The following ZNF606 variants were observed in gnomAD, a reference collection of about 807,000 sequenced individuals.
The protein encoded by ZNF606 is zinc finger protein 328.
A neutral mutation model predicts 74.9 loss-of-function variants in ZNF606; 37 were observed. The ratio of observed to expected loss-of-function variants is 0.49; its 90% confidence interval spans 0.38 to 0.65. ZNF606 has a LOEUF of 0.65. Ranked by LOEUF, ZNF606 falls within the 30% of genes least tolerant of loss-of-function variation. The pLI, the probability that ZNF606 is intolerant of heterozygous loss-of-function variation, is 0.00. For missense variants in ZNF606, 852 were observed against 952.9 expected (o/e 0.89, Z 1.39); for synonymous variants, 328 against 312.4 (o/e 1.05, Z -0.53).
chr19:57,998,330 A>C (rs975337143), intron 4 of ZNF606: 1 of 152,314 alleles, frequency 6.6e-6, no homozygotes, highest in Non-Finnish European at 1.5e-5. Flanking sequence ...TTTACAATGT[A>C]ATTACATTGT....
intron 6 of ZNF606, among the ~76,000 whole-genome samples, chr19:57,986,546 G>A (rs114075319): frequency 0.015 from 2,277 of 152,228 alleles, 58 homozygotes; most frequent in African/African-American, 0.052. Context: ...AATAAAGATA[G>A]CTACATAAGT....
At chr19:57,987,518 G>A (rs920928294) in intron 6 of ZNF606, among the ~76,000 whole-genome samples, 1 of 152,058 alleles carries the variant, frequency 6.6e-6, no homozygotes, top group African/African-American at 2.4e-5. Flanking sequence ...GTACCCACAA[G>A]ATCTAAGTAA....
chr19:57,983,297 G>A (rs10404737), intron 6 of ZNF606, among the ~76,000 whole-genome samples: 24,548 of 152,102 alleles, frequency 0.16, 2,038 homozygotes, highest in African/African-American at 0.21. Context: ...CTCTGAGGTC[G>A]GGCATGGTAG....
At chr19:57,991,889 A>T (rs1304251599) in intron 4 of ZNF606, among the ~76,000 whole-genome samples, 9 of 152,202 alleles carry the variant, frequency 5.9e-5, no homozygotes, top group Non-Finnish European at 1.3e-4. Context: ...GGAACCAGCT[A>T]GGCAGCTGTG....
chr19:58,002,180 G>GAACCCGGAGCTGTTTCC (rs1568587026), intron 1 of ZNF606: 1 of 456,776 alleles, frequency 2.2e-6, no homozygotes, highest in Non-Finnish European at 4.4e-6. Flanking sequence ...ATGTTTAAGG[G>GAACCCGGAGCTGTTTCC]AACCCGGAGC....
rs1340053467 is a variant in ZNF606 at position 57,980,217 on chromosome 19, G to C, written c.463C>G (p.Gln155Glu). 3 of 1,613,968 alleles carry C rather than the reference G, an allele frequency of 1.9e-6. No individual in the cohort carries two copies. The highest frequency in any genetic ancestry group is 2.2e-5 in the East Asian group (1 of 44,890). ...IPAQSIFEEE[Q>E]SHGMKLERYI... The stretch of plus-strand genomic sequence containing the variant: ...CTTTCCAACTTCATGCCATGGGATT[G>C]TTCTTCCTCAAAAATGCTCTGTGCT... Residue 155 changes from glutamine to glutamate, a missense_variant, in exon 7 of 7, where the codon CAA becomes GAA. By Grantham distance (29) the Gln-to-Glu change is conservative. This residue lies in a region of ZNF606 where 545 missense variants were observed against 542.5 expected (regional missense o/e 1.00). Coordinates refer to ENST00000551380, the MANE Select transcript of ZNF606 (RefSeq NM_001348022.3).
At chr19:57,980,858 G>A (rs1055267511) in intron 6 of ZNF606, among the ~76,000 whole-genome samples, 4 of 147,088 alleles carry the variant, frequency 2.7e-5, no homozygotes, top group African/African-American at 1.0e-4. Flanking sequence ...AAAAAAATGT[G>A]CAAGAAAGAG....
chr19:57,981,121 C>A (rs1348101782), intron 6 of ZNF606, among the ~76,000 whole-genome samples: 1 of 152,186 alleles, frequency 6.6e-6, no homozygotes, highest in Non-Finnish European at 1.5e-5. Context: ...CACGCAGGCA[C>A]TGTGTGCCTG....
Position 57,988,621 on chromosome 19 carries a change from T to C in ZNF606, c.278A>G (p.Glu93Gly). 6.2e-7 allele frequency: 1 copy of C among 1,614,090 alleles called. No individual in the cohort carries two copies. Among genetic ancestry groups the C allele is most frequent in the Non-Finnish European group, 8.5e-7 (1 of 1,179,984 alleles). The change falls in exon 5 of 7, where the codon GAG becomes GGG. Residue 93 changes from glutamate to glycine, a missense_variant. Around this residue, in one of 3 missense-constraint regions of ZNF606, gnomAD observed 545 missense variants for 542.5 expected, o/e 1.00. Coordinates refer to ENST00000551380, the MANE Select transcript of ZNF606 (RefSeq NM_001348022.3). ...CACAGAGAGCAGGTGACCATAGGTCTCCAGCATCACATCACGGTACAGGGT... is the reference window on the plus strand; with the variant it reads ...CACAGAGAGCAGGTGACCATAGGTCCCCAGCATCACATCACGGTACAGGGT... ...QRTLYRDVML[E>G]TYGHLLSVGN...
chr19:57,996,407 A>C (rs893257382), intron 4 of ZNF606, among the ~76,000 whole-genome samples: 4 of 152,182 alleles, frequency 2.6e-5, no homozygotes, highest in Non-Finnish European at 4.4e-5. Context: ...AGGTTGAGGC[A>C]TGAGAATCCC....
Position 57,978,605 on chromosome 19 carries a change from CTACAGT to C in ZNF606, c.2069_2074del (p.Asn690_Cys691del). 6.2e-7 allele frequency: 1 copy of C among 1,613,990 alleles called. No homozygotes were observed. Among genetic ancestry groups the C allele is most frequent in the Non-Finnish European group, 8.5e-7 (1 of 1,180,010 alleles). On this transcript the variant is annotated inframe_deletion, in exon 7 of 7. Coordinates refer to ENST00000551380, the MANE Select transcript of ZNF606 (RefSeq NM_001348022.3). This position sits in a 1 kb window ranked among gnomAD's most constrained non-coding sequence, Gnocchi z 4.4. ...TCTCCGGTGTGCAATGAGGTGAGAA[CTACAGT>C]TAAAGGATCTTTCACACTGATTACA...
chr19:57,990,508 C>T (rs2073241851), intron 4 of ZNF606, among the ~76,000 whole-genome samples: 1 of 148,058 alleles, frequency 6.8e-6, no homozygotes, highest in South Asian at 2.2e-4. Flanking sequence ...GTACTGCACT[C>T]CAAACTGGGC....
chr19:57,999,727 T>C, intron 4 of ZNF606, 81 bp downstream of exon 4: 4 of 1,419,944 alleles, frequency 2.8e-6, no homozygotes, highest in Non-Finnish European at 4.0e-6. Context: ...CCAACTGTTG[T>C]AAACTGGAGA....
chr19:58,002,999 C>G (rs1486195312), upstream of ZNF606: 1 of 453,838 alleles, frequency 2.2e-6, no homozygotes, highest in African/African-American at 2.0e-5. Flanking sequence ...TTGTCCCGGT[C>G]CCAGACCACC....
chr19:57,985,461 T>C (rs2123287005), intron 6 of ZNF606, among the ~76,000 whole-genome samples: 1 of 152,216 alleles, frequency 6.6e-6, no homozygotes, highest in South Asian at 2.1e-4. Flanking sequence ...AGGGAGGAGG[T>C]ACTTTTCTAA....
At chr19:57,986,789 A>T (rs956925675) in intron 6 of ZNF606, among the ~76,000 whole-genome samples, 5 of 152,292 alleles carry the variant, frequency 3.3e-5, no homozygotes, top group Non-Finnish European at 7.4e-5. Flanking sequence ...ATAAATTAAG[A>T]TGTTAATTGT....
At chr19:57,989,099 C>T (rs114522748) in intron 4 of ZNF606, among the ~76,000 whole-genome samples, 4 of 152,166 alleles carry the variant, frequency 2.6e-5, no homozygotes, top group East Asian at 1.9e-4. Context: ...TGGCTACAAG[C>T]GAGACCTTGA....
At chr19:58,003,220 C>T, upstream of ZNF606, 1 of 456,702 alleles carries the variant, frequency 2.2e-6, no homozygotes, top group Non-Finnish European at 4.4e-6. Flanking sequence ...GATAAGGAAC[C>T]TAATTCGAGC....
In ZNF606 at chr19:57,978,260, T is replaced by C. The variant is rs1415649014; in HGVS notation, c.*41A>G. The C allele has an allele frequency of 1.3e-6, 2 of 1,513,412 alleles. No individual in the cohort carries two copies. Among genetic ancestry groups the C allele is most frequent in the East Asian group, 2.3e-5 (1 of 43,788 alleles). 93.7% of individuals were successfully genotyped at this position (1,513,412 alleles called of 1,614,324 possible). A position where few individuals can be genotyped will look rare whatever the true frequency, so the allele number is the denominator to read the frequency against. ...ATTATGTTTATAGGGTTTTCCTCAA[T>C]GTGTTGTCAAATGTACAAGAAACGA... On this transcript the variant is annotated 3_prime_UTR_variant, in exon 7 of 7. Transcript: ENST00000551380. The surrounding 1 kb of genome is among the most constrained non-coding windows in gnomAD (Gnocchi z 4.4).
Sources: gnomAD v4.1 joint callset for allele counts (sites outside exome capture counted in the v4.1 genomes callset) on GRCh38, gnomAD v4.1.1 for gene constraint, gnomAD v4.1.1 regional missense constraint, Gnocchi (gnomAD v3.1) non-coding constraint, MANE v1.5 for transcripts, NCBI Gene and HGNC (gene_info 2026-07-23, HGNC 2026-07-21) for gene names.